Variants in AFF4 observed in about 807,000 individuals in gnomAD.
AFF4 encodes the protein ALF transcription elongation factor 4, also known as AF4/FMR2 family member 4.
A neutral mutation model predicts 124.8 loss-of-function variants in AFF4; 13 were observed. That is an observed-to-expected ratio of 0.10 (90% CI 0.07 to 0.17). AFF4 has a LOEUF of 0.17. Ranked by LOEUF, AFF4 falls within the 10% of genes least tolerant of loss-of-function variation. The pLI is 1.00. For missense variants in AFF4, 1,092 were observed against 1,403.8 expected (o/e 0.78, Z 3.55); for synonymous variants, 477 against 496.1 (o/e 0.96, Z 0.51).
intron 3 of AFF4, among the ~76,000 whole-genome samples, chr5:132,933,499 G>A (rs952138783): frequency 2.0e-5 from 3 of 152,006 alleles, no homozygotes; most frequent in South Asian, 2.1e-4. Context: ...CTTGAGGCCA[G>A]GAGTTCCAGA....
chr5:132,948,428 T>C (rs1761751361), intron 1 of AFF4: 2 of 152,350 alleles, frequency 1.3e-5, no homozygotes, highest in East Asian at 1.9e-4. Context: ...CTTGTCTTAA[T>C]GGACAAAGAT....
At chr5:132,912,890 CTGA>C (rs891961612) in intron 5 of AFF4, among the ~76,000 whole-genome samples, 7 of 150,366 alleles carry the variant, frequency 4.7e-5, no homozygotes, top group Non-Finnish European at 1.0e-4. Context: ...CACAAAAGGG[CTGA>C]TGAGACAGAG....
chr5:132,925,209 A>G lies in AFF4; in HGVS notation c.1050+1912T>C, dbSNP rs182270436. ...AATAAATAAATAAATAAATAAATAA[A>G]TACCGGTGCATTTTGTATATGTAAA... is the stretch of plus-strand genomic sequence containing the variant. On this transcript the variant is annotated intron_variant, in intron 5 of 20. Coordinates refer to ENST00000265343, the MANE Select transcript of AFF4 (RefSeq NM_014423.4). 3.6e-4 allele frequency among the ~76,000 whole-genome samples: 55 copies of G among 151,876 alleles called. No homozygotes were observed. In the East Asian group the frequency reaches 5.4e-3, roughly 15 times the overall value.
At chr5:132,912,267 G>A (rs1048959037) in intron 5 of AFF4, among the ~76,000 whole-genome samples, 2 of 151,872 alleles carry the variant, frequency 1.3e-5, no homozygotes, top group African/African-American at 4.8e-5. Flanking sequence ...GCTTGAACCA[G>A]GGAGGTGGAG....
chr5:132,955,219 T>C (rs72799496), intron 1 of AFF4, among the ~76,000 whole-genome samples: 17,528 of 152,126 alleles, frequency 0.12, 1,285 homozygotes, highest in South Asian at 0.2. Flanking sequence ...CTAGTGGAGC[T>C]TGGAGTTTTT....
chr5:132,937,388 C>T (rs1761456639), intron 1 of AFF4, among the ~76,000 whole-genome samples, 195 bp from the exon 2 acceptor site: 1 of 152,112 alleles, frequency 6.6e-6, no homozygotes, highest in Non-Finnish European at 1.5e-5. Flanking sequence ...ACAACTATTC[C>T]AAGGAAACAC....
chr5:132,957,449 A>C (rs1485285799), intron 1 of AFF4, among the ~76,000 whole-genome samples: 2 of 152,062 alleles, frequency 1.3e-5, no homozygotes, highest in East Asian at 3.8e-4. Context: ...AATTTACAGA[A>C]AGGACGGGTG....
intron 5 of AFF4, among the ~76,000 whole-genome samples, chr5:132,913,998 T>A (rs1258708160): frequency 1.3e-5 from 2 of 151,070 alleles, no homozygotes; most frequent in African/African-American, 4.9e-5. Flanking sequence ...GACACCGAGG[T>A]GGGTGGATCG....
rs202001642 is a variant in AFF4 at position 132,885,091 on chromosome 5, G to A, written c.3128C>T (p.Ser1043Leu). 1.1e-5 allele frequency: 17 copies of A among 1,595,746 alleles called. No homozygotes were observed. The highest frequency in any genetic ancestry group is 1.3e-5 in the Non-Finnish European group (15 of 1,172,234). The stretch of plus-strand genomic sequence containing the variant: ...TTTTACCTACCTTCCCAAGCCAGGC[G>A]ATGGTGCTTGAGAATTATTATAAGA... ...KNSYNNSQAP[S>L]PGLGSKAVGM... Residue 1043 changes from serine to leucine, a missense_variant, in exon 19 of 21, where the codon TCG becomes TTG. Ser to Leu is a moderately radical substitution (Grantham distance 145). Around this residue, in one of 11 missense-constraint regions of AFF4, gnomAD observed 173 missense variants for 294.9 expected, o/e 0.59. Transcript: ENST00000265343.
chr5:132,903,253 G>A (rs951670744), intron 6 of AFF4, among the ~76,000 whole-genome samples: 1 of 149,038 alleles, frequency 6.7e-6, no homozygotes, highest in African/African-American at 2.4e-5. Flanking sequence ...CCTTTTTCCT[G>A]TAAGCTACGG....
intron 8 of AFF4, 34 bp from the exon 9 acceptor site, chr5:132,899,175 G>T: frequency 1.3e-6 from 2 of 1,585,080 alleles, no homozygotes; most frequent in Non-Finnish European, 1.7e-6. Context: ...ATCTGTGAAT[G>T]AATAAACAGT....
rs376402769 is a variant in AFF4, at chr5:132,893,026, G to A, written c.2396+4C>T. 6 of 1,613,578 alleles carry A rather than the reference G, an allele frequency of 3.7e-6. No homozygotes were observed. The Admixed American group carries it at 5.0e-5, about 13-fold the overall frequency. On this transcript the variant is annotated splice_donor_region_variant and intron_variant, in intron 12 of 20. Coordinates refer to ENST00000265343, the MANE Select transcript of AFF4 (RefSeq NM_014423.4). ...CTGGCATGCAACATGTTTTGGGAACGTACTCTCTGTTGCTGGATGGCTTAT... is the reference window on the plus strand; with the variant it reads ...CTGGCATGCAACATGTTTTGGGAACATACTCTCTGTTGCTGGATGGCTTAT...
chr5:132,895,451 G>A (rs1269933157), intron 11 of AFF4, among the ~76,000 whole-genome samples: 1 of 152,162 alleles, frequency 6.6e-6, no homozygotes, highest in Non-Finnish European at 1.5e-5. Flanking sequence ...CAGGTCAACT[G>A]GAGTGGTGTT....
At chr5:132,921,306 T>C (rs1293030779) in intron 5 of AFF4, among the ~76,000 whole-genome samples, 2 of 152,002 alleles carry the variant, frequency 1.3e-5, no homozygotes, top group Non-Finnish European at 2.9e-5. Flanking sequence ...GAAATCACAA[T>C]GAGGTACCAC....
At chr5:132,939,765 C>CA (rs1342068057) in intron 1 of AFF4, among the ~76,000 whole-genome samples, 1 of 152,224 alleles carries the variant, frequency 6.6e-6, no homozygotes, top group Non-Finnish European at 1.5e-5. Context: ...CACCTGCCAC[C>CA]ACGCCCGGCT....
At chr5:132,882,789 A>G (rs1381959365) in intron 20 of AFF4, among the ~76,000 whole-genome samples, 1 of 150,100 alleles carries the variant, frequency 6.7e-6, no homozygotes, top group African/African-American at 2.5e-5. Flanking sequence ...GGAAGGTGGA[A>G]GCTGCAGTGA....
chr5:132,923,451 A>AT (rs1761100991), intron 5 of AFF4, among the ~76,000 whole-genome samples: 1 of 152,074 alleles, frequency 6.6e-6, no homozygotes, highest in Non-Finnish European at 1.5e-5. Context: ...GTTAGTTTTC[A>AT]GTTTACTATA....
In AFF4 at chr5:132,881,083, G is replaced by A; in HGVS notation, c.3468C>T (p.Arg1156=). The part of the protein sequence containing the change: ...RYTRQGLHWL[R]QDAKLIS Reference sequence around the variant, plus strand: ...TTCAAGATATCAACTTGGCATCCTGGCGAAGCCAGTGCAGTCCCTGCCGGG... The same window carrying A: ...TTCAAGATATCAACTTGGCATCCTGACGAAGCCAGTGCAGTCCCTGCCGGG... Residue 1156 remains arginine (R), a synonymous_variant, in exon 21 of 21, where the codon CGC becomes CGT. Coordinates refer to ENST00000265343, the MANE Select transcript of AFF4 (RefSeq NM_014423.4). 6.2e-7 allele frequency: 1 copy of A among 1,613,862 alleles called. No homozygotes were observed. Among genetic ancestry groups the A allele is most frequent in the Non-Finnish European group, 8.5e-7 (1 of 1,179,944 alleles).
intron 1 of AFF4, among the ~76,000 whole-genome samples, chr5:132,959,978 A>C (rs1451605264): frequency 6.6e-6 from 1 of 151,802 alleles, no homozygotes; most frequent in African/African-American, 2.4e-5. Context: ...GATGGTCTCG[A>C]TCTCCTGACC....
Sources: allele counts gnomAD v4.1 joint callset (sites outside exome capture counted in the v4.1 genomes callset), GRCh38; gene constraint gnomAD v4.1.1; regional missense constraint gnomAD v4.1.1; transcripts MANE v1.5; gene names NCBI Gene and HGNC (gene_info 2026-07-23, HGNC 2026-07-21).